The following PITPNC1 variants were observed in gnomAD, a reference collection of about 807,000 sequenced individuals.
PITPNC1 encodes cytoplasmic phosphatidylinositol transfer protein 1.
PITPNC1 carries 18 observed loss-of-function variants against 44.7 expected under a neutral mutation model. That is an observed-to-expected ratio of 0.40 (90% CI 0.28 to 0.60). The LOEUF (loss-of-function observed/expected upper bound fraction) is 0.60. PITPNC1 is among the 20% of genes least tolerant of loss of function. PITPNC1 has a pLI of 0.39. For synonymous variants in PITPNC1, 141 were observed against 149.6 expected, an observed-to-expected ratio of 0.94 and a Z score of 0.42; for missense variants, 290 against 418.4, an observed-to-expected ratio of 0.69 and a Z score of 2.68.
intron 1 of PITPNC1, among the ~76,000 whole-genome samples, chr17:67,467,872 C>T (rs978350579): frequency 1.3e-5 from 2 of 152,154 alleles, no homozygotes; most frequent in African/African-American, 2.4e-5. Context: ...GACATGGTCC[C>T]TAATGTTTGT....
intron 1 of PITPNC1, among the ~76,000 whole-genome samples, chr17:67,502,124 G>A (rs1438906207): frequency 1.3e-5 from 2 of 151,732 alleles, no homozygotes; most frequent in African/African-American, 4.8e-5. Flanking sequence ...TCTGCACTCT[G>A]AAGACATCGT....
chr17:67,587,840 T>C (rs576258814), intron 5 of PITPNC1, among the ~76,000 whole-genome samples: 1 of 152,292 alleles, frequency 6.6e-6, no homozygotes, highest in African/African-American at 2.4e-5. Flanking sequence ...TCTCAATGTC[T>C]TGACTGGGCT....
At chr17:67,653,497 C>T (rs151032047) in intron 6 of PITPNC1, among the ~76,000 whole-genome samples, 1 of 152,276 alleles carries the variant, frequency 6.6e-6, no homozygotes, top group Non-Finnish European at 1.5e-5. Context: ...TACTGTGAAA[C>T]AATAAATTTC....
Position 67,553,635 on chromosome 17 carries a change from AT to A in PITPNC1, c.294+23del. 2.7e-6 allele frequency: 3 copies of A among 1,105,764 alleles called. No individual in the cohort carries two copies. Among genetic ancestry groups the A allele is most frequent in the Non-Finnish European group, 3.9e-6 (3 of 768,070 alleles). 68.5% of individuals were successfully genotyped at this position (1,105,764 alleles called of 1,614,324 possible). A position where few individuals can be genotyped will look rare whatever the true frequency, so the allele number is the denominator to read the frequency against. ...AATACACAGTAAGTTCCATTTAATT[AT>A]TTTTAAACATTCTGTCTATGATCAG... On this transcript the variant is annotated intron_variant, in intron 4 of 8. Coordinates refer to ENST00000581322, the MANE Select transcript of PITPNC1 (RefSeq NM_012417.4).
At chr17:67,568,194 T>G (rs1248485631) in intron 4 of PITPNC1, among the ~76,000 whole-genome samples, 3 of 152,156 alleles carry the variant, frequency 2.0e-5, no homozygotes, top group Non-Finnish European at 4.4e-5. Context: ...TACCCATACA[T>G]GCTAGAACAT....
chr17:67,487,879 C>T (rs144665078), intron 1 of PITPNC1, among the ~76,000 whole-genome samples: 6 of 152,188 alleles, frequency 3.9e-5, no homozygotes, highest in African/African-American at 1.4e-4. Flanking sequence ...GTCTTCGCAT[C>T]TTATACCCTG....
intron 8 of PITPNC1, among the ~76,000 whole-genome samples, chr17:67,683,558 C>T (rs1453651827): frequency 5.9e-5 from 9 of 152,110 alleles, no homozygotes; most frequent in Non-Finnish European, 5.9e-5. Flanking sequence ...ACAGCAGGGA[C>T]CATATTATCA....
At position 67,606,120 on chromosome 17, in the gene PITPNC1, C is replaced by T. The variant is rs117734519; in HGVS notation, c.367-26023C>T. ...AGAGATGGAAGCTTTCTGCCCTCAACTGGCTGACTGAATTGATGGAACAGT... is the reference window on the plus strand; with the variant it reads ...AGAGATGGAAGCTTTCTGCCCTCAATTGGCTGACTGAATTGATGGAACAGT... On this transcript the variant is annotated intron_variant, in intron 5 of 8. Coordinates refer to ENST00000581322, the MANE Select transcript of PITPNC1 (RefSeq NM_012417.4). 5.5e-3 allele frequency among the ~76,000 whole-genome samples: 831 copies of T among 152,236 alleles called. 3 individuals carry two copies. Among genetic ancestry groups the T allele is most frequent in the Middle Eastern group, 0.017 (5 of 294 alleles).
At chr17:67,431,326 T>C (rs1353529304) in intron 1 of PITPNC1, among the ~76,000 whole-genome samples, 2 of 152,148 alleles carry the variant, frequency 1.3e-5, no homozygotes, top group Non-Finnish European at 2.9e-5. Context: ...CCCAAAGTGC[T>C]GGGATTACAG....
intron 1 of PITPNC1, 21 bp downstream of exon 1, chr17:67,378,223 G>A: frequency 1.3e-6 from 2 of 1,482,228 alleles, no homozygotes; most frequent in Admixed American, 2.3e-5. Flanking sequence ...CGCCCGGCCC[G>A]GCCTCGCCCG....
At chr17:67,547,468 A>G (rs1291695112) in intron 2 of PITPNC1, among the ~76,000 whole-genome samples, 1 of 152,192 alleles carries the variant, frequency 6.6e-6, no homozygotes, top group Non-Finnish European at 1.5e-5. Context: ...GTGAGATACG[A>G]TCATGCCACT....
intron 1 of PITPNC1, among the ~76,000 whole-genome samples, chr17:67,394,630 A>G (rs2038188030): frequency 6.6e-6 from 1 of 152,076 alleles, no homozygotes; most frequent in African/African-American, 2.4e-5. Context: ...AAGGCCGGGC[A>G]CGGTGGCTCA....
intron 4 of PITPNC1, among the ~76,000 whole-genome samples, chr17:67,572,473 G>T (rs967848038): frequency 3.5e-5 from 4 of 113,944 alleles, no homozygotes; most frequent in Admixed American, 1.0e-4. Context: ...TAAAGCGGGG[G>T]GGGGGGGTAA....
At chr17:67,495,264 T>G (rs1356631510) in intron 1 of PITPNC1, among the ~76,000 whole-genome samples, 1 of 151,886 alleles carries the variant, frequency 6.6e-6, no homozygotes, top group Non-Finnish European at 1.5e-5. Context: ...TTCATCATGT[T>G]AGCCAGGATG....
chr17:67,503,712 G>T (rs904378286), intron 1 of PITPNC1, among the ~76,000 whole-genome samples: 1 of 152,092 alleles, frequency 6.6e-6, no homozygotes, highest in Non-Finnish European at 1.5e-5. Context: ...ATGATTTTAG[G>T]GAGGTAGTAG....
intron 6 of PITPNC1, among the ~76,000 whole-genome samples, chr17:67,661,818 G>A (rs891353475): frequency 1.3e-5 from 2 of 152,086 alleles, no homozygotes; most frequent in African/African-American, 4.8e-5. Flanking sequence ...CCAACATGGT[G>A]AAACCCCATC....
intron 1 of PITPNC1, among the ~76,000 whole-genome samples, chr17:67,386,456 G>A (rs552507373): frequency 6.6e-6 from 1 of 152,186 alleles, no homozygotes; most frequent in South Asian, 2.1e-4. Context: ...GCCTCTCAGA[G>A]TGCTGGGATT....
intron 1 of PITPNC1, among the ~76,000 whole-genome samples, chr17:67,494,195 T>TTCTCTCTCTCTCTCTCTCTCTCTCTCTC (rs2039906448): frequency 2.1e-5 from 3 of 144,172 alleles, no homozygotes; most frequent in African/African-American, 8.1e-5. Context: ...TTTTCTTTCT[T>TTCTCTCTCTCTCTCTCTCTCTCTCTCTC]TCTTTCTTTC....
intron 1 of PITPNC1, among the ~76,000 whole-genome samples, chr17:67,433,022 T>G (rs1418398735): frequency 6.6e-6 from 1 of 152,078 alleles, no homozygotes; most frequent in African/African-American, 2.4e-5. Context: ...TAGCAGGATA[T>G]AGGGACAGCG....
Sources: gnomAD v4.1 joint callset for allele counts (sites outside exome capture counted in the v4.1 genomes callset) on GRCh38, gnomAD v4.1.1 for gene constraint, MANE v1.5 for transcripts, NCBI Gene and HGNC (gene_info 2026-07-23, HGNC 2026-07-21) for gene names.